The following SLC26A9 variants were observed in gnomAD, a reference collection of about 807,000 sequenced individuals.
The protein encoded by SLC26A9 is anion transporter/exchanger protein 9.
Under a neutral mutation model 87.1 loss-of-function variants are expected in SLC26A9, and 46 were observed. That is an observed-to-expected ratio of 0.53 (90% CI 0.42 to 0.67). SLC26A9 has a LOEUF of 0.67. Ranked by LOEUF, SLC26A9 falls within the 30% of genes least tolerant of loss-of-function variation. The probability of loss-of-function intolerance (pLI) is 0.00; values close to 1 mark genes in which losing one functional copy is unlikely to be tolerated. For synonymous variants in SLC26A9, 437 were observed against 409.1 expected (o/e 1.07, Z -0.82); for missense variants, 927 against 1,018.3 (o/e 0.91, Z 1.22).
intron 15 of SLC26A9, 23 bp downstream of exon 15, chr1:205,923,312 G>C: frequency 6.2e-7 from 1 of 1,613,578 alleles, no homozygotes; most frequent in South Asian, 1.1e-5. Context: ...CAGAGCCTCT[G>C]GTCGCCAGGG....
chr1:205,920,078 CTCGTTT>C, intron 18 of SLC26A9, 92 bp downstream of exon 18: 1 of 1,412,872 alleles, frequency 7.1e-7, no homozygotes, highest in Non-Finnish European at 1.0e-6. Flanking sequence ...GCTGGGTGCT[CTCGTTT>C]CCAACCTCCT....
chr1:205,917,442 G>A (rs942833398), intron 19 of SLC26A9, 88 bp from the exon 20 acceptor site: 31 of 1,301,820 alleles, frequency 2.4e-5, no homozygotes, highest in African/African-American at 4.4e-5. Context: ...ACAGGTGGCC[G>A]GCTCTGGTTG....
At chr1:205,920,395 T>C (rs1658776678) in intron 17 of SLC26A9, among the ~76,000 whole-genome samples, 165 bp from the exon 18 acceptor site, 1 of 152,206 alleles carries the variant, frequency 6.6e-6, no homozygotes, top group Admixed American at 6.5e-5. Context: ...CACTTCTCCC[T>C]GGAGTGTTGG....
intron 2 of SLC26A9, among the ~76,000 whole-genome samples, chr1:205,933,827 A>G (rs909020082): frequency 2.6e-5 from 4 of 152,124 alleles, no homozygotes; most frequent in African/African-American, 4.8e-5. Context: ...TCATTGGTCA[A>G]CGCAGGGTGG....
chr1:205,924,741 G>A (rs12036375), intron 12 of SLC26A9: 55,384 of 447,206 alleles, frequency 0.12, 6,730 homozygotes, highest in East Asian at 0.58. Context: ...CACACAGGGA[G>A]GTGGCATCTA....
rs1360608927 is a variant in SLC26A9, at chr1:205,915,497, C to T, written c.2329-93G>A. The stretch of plus-strand genomic sequence containing the variant: ...TGCAACCAAGAGGTGACCCTAGGAA[C>T]CCCTGGCCAGAACAAAGCACCTGTG... On this transcript the variant is annotated intron_variant, in intron 20 of 20. Coordinates refer to ENST00000367135, the MANE Select transcript of SLC26A9 (RefSeq NM_052934.4). 7.0e-5 allele frequency: 108 copies of T among 1,549,624 alleles called. 1 individual carries two copies. The highest frequency in any genetic ancestry group is 8.8e-7 in the Non-Finnish European group (1 of 1,130,024).
At chr1:205,917,390 G>C in intron 19 of SLC26A9, 36 bp from the exon 20 acceptor site, 1 of 1,610,662 alleles carries the variant, frequency 6.2e-7, no homozygotes, top group Non-Finnish European at 8.5e-7. Context: ...ATGAGCTTCA[G>C]TGACTGAACA....
chr1:205,933,734 A>G (rs1659401297), intron 2 of SLC26A9, among the ~76,000 whole-genome samples: 1 of 152,094 alleles, frequency 6.6e-6, no homozygotes, highest in Non-Finnish European at 1.5e-5. Context: ...CACTCTGCTG[A>G]CTCACTATCC....
intron 15 of SLC26A9, 40 bp from the exon 16 acceptor site, chr1:205,923,235 T>C (rs529784597): frequency 4.3e-6 from 7 of 1,610,512 alleles, no homozygotes; most frequent in Non-Finnish European, 5.9e-6. Flanking sequence ...ACCTCCACCC[T>C]CTATGGGAGT....
intron 16 of SLC26A9, 103 bp downstream of exon 16, chr1:205,922,979 G>C: frequency 1.1e-6 from 1 of 949,046 alleles, no homozygotes; most frequent in Non-Finnish European, 1.7e-6. Flanking sequence ...GTCTTTGCCT[G>C]TCAGGGTGGG....
intron 8 of SLC26A9, chr1:205,928,265 A>G (rs1334668786): frequency 1.6e-6 from 1 of 618,906 alleles, no homozygotes; most frequent in Non-Finnish European, 2.7e-6. Context: ...AGAGAACCTA[A>G]CTTGCCCAAG....
At chr1:205,931,003 T>A (rs1350615272) in intron 5 of SLC26A9, among the ~76,000 whole-genome samples, 1 of 152,216 alleles carries the variant, frequency 6.6e-6, no homozygotes, top group Admixed American at 6.5e-5. Context: ...TCTTTCTTAC[T>A]TATCTTTGTA....
At chr1:205,917,460 C>A in intron 19 of SLC26A9, 106 bp from the exon 20 acceptor site, 1 of 1,037,460 alleles carries the variant, frequency 9.6e-7, no homozygotes, top group Non-Finnish European at 1.5e-6. Context: ...TTGGACGCTG[C>A]TTCCTGACAC....
Position 205,931,874 on chromosome 1 carries a change from T to TG in SLC26A9, c.537dup (p.Thr180HisfsTer64). 1.2e-6 allele frequency: 2 copies of TG among 1,613,274 alleles called. No homozygotes were observed. Among genetic ancestry groups the TG allele is most frequent in the Non-Finnish European group, 1.7e-6 (2 of 1,179,714 alleles). ...TGCCCCCTCACCTGGATGATGGCGG[T>TG]GAGGCAGGCTAGCGTAGCTGACACG... On this transcript the variant is annotated frameshift_variant, in exon 5 of 21. Transcript: ENST00000367135. LOFTEE classifies it high-confidence loss of function.
At chr1:205,916,013 C>G (rs1012027995) in intron 20 of SLC26A9, among the ~76,000 whole-genome samples, 4 of 152,202 alleles carry the variant, frequency 2.6e-5, no homozygotes, top group Non-Finnish European at 4.4e-5. Context: ...CATCTGGTTT[C>G]TTTTAATTCA....
At chr1:205,919,098 T>C in intron 18 of SLC26A9, 113 bp from the exon 19 acceptor site, 1 of 1,322,166 alleles carries the variant, frequency 7.6e-7, no homozygotes, top group Non-Finnish European at 1.1e-6. Flanking sequence ...AGGTCCCAGC[T>C]CTTGCTGTAT....
chr1:205,918,791 C>A, intron 19 of SLC26A9, 49 bp downstream of exon 19: 1 of 1,584,178 alleles, frequency 6.3e-7, no homozygotes. Flanking sequence ...CTTGGTCCTG[C>A]TATTTCAGTG....
intron 5 of SLC26A9, 89 bp from the exon 6 acceptor site, chr1:205,930,145 G>A: frequency 2.9e-6 from 4 of 1,393,926 alleles, no homozygotes; most frequent in Non-Finnish European, 3.9e-6. Flanking sequence ...CAGGTCTGGA[G>A]CTCCGTGCAG....
chr1:205,927,473 C>T lies in SLC26A9; in HGVS notation c.1215+19G>A, dbSNP rs780074824. The stretch of plus-strand genomic sequence containing the variant: ...GTTCTCTTACCACCTCCCCCCAACT[C>T]CCCTAGAACAAGGCTCACCTGGGAT... On this transcript the variant is annotated intron_variant, in intron 10 of 20. Coordinates refer to ENST00000367135, the MANE Select transcript of SLC26A9 (RefSeq NM_052934.4). 1.2e-6 allele frequency: 2 copies of T among 1,611,464 alleles called. No individual in the cohort carries two copies. Among genetic ancestry groups the T allele is most frequent in the South Asian group, 1.1e-5 (1 of 90,688 alleles).
Sources: allele counts gnomAD v4.1 joint callset (sites outside exome capture counted in the v4.1 genomes callset), GRCh38; gene constraint gnomAD v4.1.1; transcripts MANE v1.5; gene names NCBI Gene and HGNC (gene_info 2026-07-23, HGNC 2026-07-21).